The following KHDRBS2 variants were observed in gnomAD, a reference collection of about 807,000 sequenced individuals.
KHDRBS2 encodes KH domain-containing, RNA-binding, signal transduction-associated protein 2.
Under a neutral mutation model 44.3 loss-of-function variants are expected in KHDRBS2, and 26 were observed. The ratio of observed to expected loss-of-function variants is 0.59; its 90% CI spans 0.43 to 0.81. The LOEUF (loss-of-function observed/expected upper bound fraction) is 0.81, where lower values mean the gene tolerates loss of function less well. Among genes scored for constraint, KHDRBS2 ranks in the 40% least tolerant of loss-of-function variants. The probability of loss-of-function intolerance (pLI) is 0.00; values close to 1 mark genes in which losing one functional copy is unlikely to be tolerated. For synonymous variants in KHDRBS2, 194 were observed against 151.1 expected (o/e 1.28, Z -2.08); for missense variants, 476 against 433.1 (o/e 1.10, Z -0.88).
chr6:62,106,220 G>C (rs529400874), intron 2 of KHDRBS2, among the ~76,000 whole-genome samples: 1 of 152,236 alleles, frequency 6.6e-6, no homozygotes, highest in African/African-American at 2.4e-5. Context: ...TTTTGGAATA[G>C]GTGTGGTGTG....
At chr6:61,563,962 A>G in the KHDRBS2 span, among the ~76,000 whole-genome samples, 1 of 152,096 alleles carries the variant, frequency 6.6e-6, no homozygotes, top group African/African-American at 2.4e-5. Context: ...ATGACCTTGG[A>G]CAGTTTATTA....
At chr6:61,904,564 C>G (rs1050284130) in intron 4 of KHDRBS2, among the ~76,000 whole-genome samples, 3 of 152,144 alleles carry the variant, frequency 2.0e-5, no homozygotes, top group Non-Finnish European at 4.4e-5. Flanking sequence ...CCTATTGCTT[C>G]CAAGGCTATG....
chr6:62,246,105 TATATATATATA>T (rs1835512351), intron 1 of KHDRBS2, among the ~76,000 whole-genome samples: 5 of 27,368 alleles, frequency 1.8e-4, no homozygotes, highest in African/African-American at 7.1e-4. Context: ...ATCAATTTTA[TATATATATATA>T]TATATATATA....
intron 1 of KHDRBS2, among the ~76,000 whole-genome samples, chr6:62,205,862 T>C (rs1300811934): frequency 1.3e-5 from 2 of 152,078 alleles, no homozygotes; most frequent in East Asian, 3.9e-4. Context: ...TGACAGGAAA[T>C]GAAAGCGAAA....
intron 6 of KHDRBS2, among the ~76,000 whole-genome samples, chr6:61,810,659 C>T (rs536002650): frequency 6.6e-6 from 1 of 152,044 alleles, no homozygotes; most frequent in East Asian, 1.9e-4. Flanking sequence ...CTGCTTATTA[C>T]ACATTTAAAA....
At chr6:61,554,680 G>T in the KHDRBS2 span, among the ~76,000 whole-genome samples, 1 of 152,210 alleles carries the variant, frequency 6.6e-6, no homozygotes, top group South Asian at 2.1e-4. Context: ...CCTCCCTTCA[G>T]GACCTCTTGT....
intron 1 of KHDRBS2, among the ~76,000 whole-genome samples, chr6:62,206,194 A>T (rs765526604): frequency 1.3e-5 from 2 of 152,166 alleles, no homozygotes; most frequent in African/African-American, 2.4e-5. Flanking sequence ...AAAACTATGC[A>T]TAAATTTAGA....
At chr6:61,825,467 T>C (rs1251272174) in intron 6 of KHDRBS2, among the ~76,000 whole-genome samples, 2 of 152,302 alleles carry the variant, frequency 1.3e-5, no homozygotes, top group East Asian at 3.9e-4. Flanking sequence ...CTATGTGTAC[T>C]TACACCAAAA....
Position 61,800,822 on chromosome 6 carries a change from T to A in KHDRBS2, c.811-68058A>T, listed in dbSNP as rs1475974674. Among the ~76,000 whole-genome samples, 3 of 152,130 alleles carry A rather than the reference T, an allele frequency of 2.0e-5. No individual in the cohort carries two copies. The East Asian group carries it at 5.8e-4, about 29-fold the overall frequency. ...CTCTCTTTTTAGGATTGGGACAACA[T>A]CTTGTTCTTGTCAGTCTCTCACACC... On this transcript the variant is annotated intron_variant, in intron 6 of 8. Coordinates refer to ENST00000281156, the MANE Select transcript of KHDRBS2 (RefSeq NM_152688.4).
intron 4 of KHDRBS2, among the ~76,000 whole-genome samples, chr6:61,905,948 C>T (rs984966208): frequency 1.1e-4 from 16 of 150,154 alleles, no homozygotes; most frequent in African/African-American, 3.2e-4. Flanking sequence ...CTCTGCGGCC[C>T]GGGTTCAAGC....
chr6:62,148,684 G>T (rs1359198682), intron 2 of KHDRBS2, among the ~76,000 whole-genome samples: 1 of 151,834 alleles, frequency 6.6e-6, no homozygotes, highest in Non-Finnish European at 1.5e-5. Context: ...AAATCCGAGG[G>T]CCTCAAGAAC....
intron 4 of KHDRBS2, among the ~76,000 whole-genome samples, chr6:61,943,119 A>AAAGAAAG (rs1326378505): frequency 4.0e-5 from 6 of 151,514 alleles, no homozygotes; most frequent in Middle Eastern, 3.2e-3. Flanking sequence ...AGAAAAGAAA[A>AAAGAAAG]AAGAAAAGAA....
intron 3 of KHDRBS2, among the ~76,000 whole-genome samples, chr6:61,982,848 A>G (rs1774148977): frequency 6.6e-6 from 1 of 152,080 alleles, no homozygotes; most frequent in African/African-American, 2.4e-5. Context: ...TTTGTTTGAA[A>G]CAGTACTGGT....
chr6:61,747,925 TA>T (rs570936854), intron 6 of KHDRBS2, among the ~76,000 whole-genome samples: 2 of 152,178 alleles, frequency 1.3e-5, no homozygotes, highest in Non-Finnish European at 2.9e-5. Flanking sequence ...TTGTTATTAA[TA>T]AAAAAGTATT....
At chr6:61,885,320 C>A (rs1800791695) in intron 6 of KHDRBS2, among the ~76,000 whole-genome samples, 1 of 152,048 alleles carries the variant, frequency 6.6e-6, no homozygotes, top group African/African-American at 2.4e-5. Flanking sequence ...TATGTTATAG[C>A]CATTGGCATT....
intron 4 of KHDRBS2, among the ~76,000 whole-genome samples, chr6:61,945,750 C>T (rs535966354): frequency 6.6e-6 from 1 of 151,294 alleles, no homozygotes; most frequent in East Asian, 1.9e-4. Context: ...ATAATTGAGA[C>T]CGTCAAGCAA....
intron 2 of KHDRBS2, among the ~76,000 whole-genome samples, chr6:62,073,530 CTTT>C (rs60124030): frequency 1.6e-5 from 2 of 124,414 alleles, no homozygotes; most frequent in African/African-American, 6.1e-5. Context: ...TTTCTTTTTT[CTTT>C]TTTTTTTTTT....
chr6:61,623,239 G>T, the KHDRBS2 span, among the ~76,000 whole-genome samples: 2 of 152,164 alleles, frequency 1.3e-5, no homozygotes, highest in Non-Finnish European at 2.9e-5. Context: ...TTGAATAAGA[G>T]ATATGGGTTC....
chr6:61,764,565 C>T (rs540973303), intron 6 of KHDRBS2, among the ~76,000 whole-genome samples: 1 of 152,090 alleles, frequency 6.6e-6, no homozygotes, highest in African/African-American at 2.4e-5. Flanking sequence ...TTAATAATTG[C>T]CATTCTGACT....
Sources: gnomAD v4.1 joint callset for allele counts (sites outside exome capture counted in the v4.1 genomes callset) on GRCh38, gnomAD v4.1.1 for gene constraint, MANE v1.5 for transcripts, NCBI Gene and HGNC (gene_info 2026-07-23, HGNC 2026-07-21) for gene names.